Variants in OAT observed in about 807,000 individuals in gnomAD.
OAT encodes ornithine aminotransferase.
In OAT, 35 loss-of-function variants were observed where a neutral mutation model predicts 48.4. The ratio of observed to expected loss-of-function variants is 0.72; its 90% CI spans 0.55 to 0.96. OAT has a LOEUF of 0.96. Ranked by LOEUF, OAT falls within the 40% of genes least tolerant of loss-of-function variation. The pLI is 0.00. For missense variants in OAT, 438 were observed against 537.9 expected, an observed-to-expected ratio of 0.81 and a Z score of 1.84; for synonymous variants, 182 against 198.4, an observed-to-expected ratio of 0.92 and a Z score of 0.70.
rs770390524 is a variant in OAT, at chr10:124,403,056, C to T, written c.772-1G>A. Reference sequence around the variant, plus strand: ...GTATTTCATCAGCAATAAAGAGAACCTATTGGGGAAAAAAAATACCCCTAT... The same window carrying T: ...GTATTTCATCAGCAATAAAGAGAACTTATTGGGGAAAAAAAATACCCCTAT... On this transcript the variant is annotated splice_acceptor_variant, in intron 6 of 9. Transcript: ENST00000368845. LOFTEE classifies it high-confidence loss of function. 1.9e-6 allele frequency: 3 copies of T among 1,613,816 alleles called. No individual in the cohort carries two copies. Among genetic ancestry groups the T allele is most frequent in the Non-Finnish European group, 1.7e-6 (2 of 1,180,006 alleles).
intron 1 of OAT, among the ~76,000 whole-genome samples, chr10:124,415,774 T>A (rs1951900898): frequency 6.6e-6 from 1 of 152,114 alleles, no homozygotes; most frequent in South Asian, 2.1e-4. Flanking sequence ...GTCTCCCCAT[T>A]TGTAAAAGGA....
In OAT at chr10:124,408,810, C is replaced by A. The variant is rs150939128; in HGVS notation, c.355G>T (p.Val119Leu). The A allele has an allele frequency of 1.2e-6, 2 of 1,612,184 alleles. No homozygotes were observed. The highest frequency in any genetic ancestry group is 1.7e-5 in the Admixed American group (1 of 59,980). The change falls in exon 3 of 10, where the codon GTA (valine) becomes TTA (leucine). Residue 119 changes from valine (V) to leucine (L), a missense_variant. Val to Leu is a conservative substitution (Grantham distance 32). Transcript: ENST00000368845. Reference protein sequence around the residue: ...TLTSRAFYNNVLGEYEEYITK... With the variant: ...TLTSRAFYNNLLGEYEEYITK... The stretch of plus-strand genomic sequence containing the variant: ...ATATACTCCTCATATTCACCAAGTA[C>A]GTTATTATAGAAAGCTCTAGATGTT...
chr10:124,400,585 T>C (rs1951378324), intron 9 of OAT, among the ~76,000 whole-genome samples: 1 of 151,800 alleles, frequency 6.6e-6, no homozygotes, highest in Admixed American at 6.6e-5. Flanking sequence ...AAACCCCATC[T>C]CTATTAAAAA....
intron 1 of OAT, among the ~76,000 whole-genome samples, chr10:124,417,629 T>TTCA (rs1362376630): frequency 1.3e-5 from 2 of 152,140 alleles, no homozygotes; most frequent in Non-Finnish European, 2.9e-5. Context: ...TATGAAAAGA[T>TTCA]TCATCTAAAG....
intron 2 of OAT, 107 bp downstream of exon 2, chr10:124,411,866 A>T: frequency 1.0e-6 from 1 of 959,640 alleles, no homozygotes; most frequent in Non-Finnish European, 1.7e-6. Context: ...TCTGCAATAT[A>T]CACATTAAAC....
At chr10:124,413,468 T>C (rs1951821695) in intron 1 of OAT, among the ~76,000 whole-genome samples, 1 of 152,168 alleles carries the variant, frequency 6.6e-6, no homozygotes, top group South Asian at 2.1e-4. Flanking sequence ...GGCGATCACC[T>C]GAATCGGGAG....
chr10:124,405,835 T>C (rs897077091), intron 4 of OAT: 7 of 1,239,722 alleles, frequency 5.6e-6, no homozygotes, highest in Admixed American at 7.1e-5. Flanking sequence ...CCCCTGAAGA[T>C]AGATAACTTA....
rs1564742697 is a variant in OAT at position 124,415,074 on chromosome 10, T to TGTGTCGCTAAAAAAA, written c.-29-2875_-29-2874insTTTTTTTAGCGACAC. The TGTGTCGCTAAAAAAA allele has an allele frequency of 1.5e-3, 25 of 16,858 alleles. 12 individuals are homozygous for TGTGTCGCTAAAAAAA. The highest frequency in any genetic ancestry group is 7.5e-3 in the East Asian group (4 of 530). The allele number at this position is 16,858 out of a possible 1,614,324, so 1.0% of individuals were successfully genotyped here. On this transcript the variant is annotated intron_variant, in intron 1 of 9. Coordinates refer to ENST00000368845, the MANE Select transcript of OAT (RefSeq NM_000274.4). ...CACTCCAGCCTGGGCTACAAAGCGC[T>TGTGTCGCTAAAAAAA]AAAAAAAAAAAAAAAAAAAAAAAAA...
In OAT at chr10:124,401,858, A is replaced by C; in HGVS notation, c.901-19T>G. 6.4e-7 allele frequency: 1 copy of C among 1,564,180 alleles called. No individual in the cohort carries two copies. Among genetic ancestry groups the C allele is most frequent in the Non-Finnish European group, 8.8e-7 (1 of 1,136,382 alleles). Reference sequence around the variant, plus strand: ...CAGACACCTGAAAGACAGTCAATTCACCATGTCATTTCTCAGCACTAAGCA... The same window carrying C: ...CAGACACCTGAAAGACAGTCAATTCCCCATGTCATTTCTCAGCACTAAGCA... On this transcript the variant is annotated intron_variant, in intron 7 of 9. Coordinates refer to ENST00000368845, the MANE Select transcript of OAT (RefSeq NM_000274.4).
chr10:124,403,273 A>T, intron 6 of OAT: 2 of 612,488 alleles, frequency 3.3e-6, no homozygotes, highest in East Asian at 2.9e-5. Context: ...CTATCTCCCT[A>T]GAGGCCCATT....
chr10:124,405,348 C>T lies in OAT; in HGVS notation c.648+88G>A, dbSNP rs1051337985. 1.0e-5 allele frequency: 16 copies of T among 1,577,540 alleles called. No individual in the cohort carries two copies. The Admixed American group carries it at 1.2e-4, about 12-fold the overall frequency. The stretch of plus-strand genomic sequence containing the variant: ...ACTTAAGTGAGATAAATTTGCATTA[C>T]TGTCATATAATGTACTTTTAATTCA... On this transcript the variant is annotated intron_variant, in intron 5 of 9. Coordinates refer to ENST00000368845, the MANE Select transcript of OAT (RefSeq NM_000274.4).
intron 9 of OAT, among the ~76,000 whole-genome samples, chr10:124,399,338 C>CTTTTTTT (rs937720307): frequency 2.0e-4 from 12 of 58,762 alleles, no homozygotes; most frequent in Non-Finnish European, 2.7e-4. Context: ...CCAGGTGATT[C>CTTTTTTT]TTTTTTTTTT....
rs1263442117 is a variant in OAT at position 124,412,215 on chromosome 10, G to T, written c.-29-15C>A. On this transcript the variant is annotated splice_polypyrimidine_tract_variant and intron_variant, in intron 1 of 9. Transcript: ENST00000368845. ...AAACCACAGATCTGTCCAAAGAAAAGAGAATGCATTAAGAGTGAGAATCCT... is the reference window on the plus strand; with the variant it reads ...AAACCACAGATCTGTCCAAAGAAAATAGAATGCATTAAGAGTGAGAATCCT... 1.3e-6 allele frequency: 2 copies of T among 1,567,520 alleles called. No individual in the cohort carries two copies. Among genetic ancestry groups the T allele is most frequent in the Non-Finnish European group, 1.7e-6 (2 of 1,143,950 alleles).
chr10:124,405,729 C>A, intron 4 of OAT, 166 bp from the exon 5 acceptor site: 3 of 1,452,052 alleles, frequency 2.1e-6, no homozygotes, highest in Admixed American at 2.2e-5. Context: ...TGATATTAAA[C>A]ACCATGGCTC....
chr10:124,403,140 C>T (rs1228340108), intron 6 of OAT, 85 bp from the exon 7 acceptor site: 8 of 1,454,056 alleles, frequency 5.5e-6, no homozygotes, highest in African/African-American at 4.2e-5. Context: ...TGTCCCCCCA[C>T]CAACAATAAA....
intron 1 of OAT, among the ~76,000 whole-genome samples, chr10:124,415,743 T>C (rs888223676): frequency 1.3e-5 from 2 of 152,208 alleles, no homozygotes; most frequent in Non-Finnish European, 2.9e-5. Flanking sequence ...TGGGTGATTC[T>C]GTCAATCTTT....
intron 9 of OAT, among the ~76,000 whole-genome samples, chr10:124,400,104 G>A (rs55815838): frequency 0.064 from 9,748 of 152,194 alleles, 438 homozygotes; most frequent in Non-Finnish European, 0.084. Flanking sequence ...TAAAAGGTTT[G>A]GTCATTATGT....
At chr10:124,400,785 T>A (rs553826477) in intron 9 of OAT, 55 bp downstream of exon 9, 40 of 1,261,314 alleles carry the variant, frequency 3.2e-5, no homozygotes, top group Non-Finnish European at 4.1e-5. Flanking sequence ...AAATACCAAG[T>A]GTATTTTAGG....
At chr10:124,403,245 A>G (rs2240882) in intron 6 of OAT, 190 bp from the exon 7 acceptor site, 1 of 654,024 alleles carries the variant, frequency 1.5e-6, no homozygotes, top group Non-Finnish European at 2.7e-6. Flanking sequence ...CTCACCAACT[A>G]TTTCCTTTGT....
Sources: allele counts gnomAD v4.1 joint callset (sites outside exome capture counted in the v4.1 genomes callset), GRCh38; gene constraint gnomAD v4.1.1; transcripts MANE v1.5; gene names NCBI Gene and HGNC (gene_info 2026-07-23, HGNC 2026-07-21).